SLC2A14: variants seen among roughly 807,000 people sequenced by gnomAD.
SLC2A14 encodes the protein solute carrier family 2, facilitated glucose transporter member 14.
Under a neutral mutation model 43.0 loss-of-function variants are expected in SLC2A14, and 13 were observed. The observed-to-expected ratio is 0.30, with a 90% CI of 0.20 to 0.48. SLC2A14 has a LOEUF of 0.48. Among genes scored for constraint, SLC2A14 ranks in the 20% least tolerant of loss-of-function variants. The pLI is 0.99. For missense variants in SLC2A14, 428 were observed against 620.4 expected (o/e 0.69, Z 3.29); for synonymous variants, 190 against 233.8 (o/e 0.81, Z 1.71).
intron 1 of SLC2A14, among the ~76,000 whole-genome samples, chr12:7,871,581 G>C (rs1945236572): frequency 6.6e-6 from 1 of 151,972 alleles, no homozygotes. Flanking sequence ...TGTGACCCTA[G>C]GGCCCTGGGC....
intron 2 of SLC2A14, among the ~76,000 whole-genome samples, chr12:7,847,982 C>T (rs865816547): frequency 2.0e-5 from 3 of 151,890 alleles, no homozygotes; most frequent in Non-Finnish European, 4.4e-5. Flanking sequence ...GCAACAGACA[C>T]GAGCAAACCC....
chr12:7,814,365 A>G lies in SLC2A14; in HGVS notation c.1445T>C (p.Met482Thr). The G allele has an allele frequency of 6.2e-7, 1 of 1,610,778 alleles. No homozygotes were observed. The highest frequency in any genetic ancestry group is 1.3e-5 in the African/African-American group (1 of 74,694). Reference sequence around the variant, plus strand: ...AGCAGGCTCGATGCTGTTCATCCCCATGACGCCGTCCTTCCCAGATCTATC... The same window carrying G: ...AGCAGGCTCGATGCTGTTCATCCCCGTGACGCCGTCCTTCCCAGATCTATC... ...GADRSGKDGV[M>T]GMNSIEPAKE... is the part of the protein sequence containing the mutation. Residue 482 changes from methionine (M) to threonine (T), a missense_variant, in exon 11 of 11, where the codon ATG (methionine) becomes ACG (threonine). Physicochemically the swap from Met to Thr is moderately conservative, Grantham distance 81. Transcript: ENST00000431042.
chr12:7,812,678 A>G lies in SLC2A14; in HGVS notation c.*1638T>C, dbSNP rs1592126384. On this transcript the variant is annotated 3_prime_UTR_variant, in exon 11 of 11. Coordinates refer to ENST00000431042, the MANE Select transcript of SLC2A14 (RefSeq NM_001286234.2). ...GAAGTTGACGTGAAGTTGGAAGGCC[A>G]CCTTTCCAGCTAAACCCCACTCCAT... The G allele has an allele frequency of 1.3e-5, 2 of 152,294 alleles. No homozygotes were observed. The highest frequency in any genetic ancestry group is 4.1e-4 in the South Asian group (2 of 4,830). 9.4% of individuals were successfully genotyped at this position (152,294 alleles called of 1,614,324 possible).
chr12:7,862,413 G>A (rs1009095303), intron 2 of SLC2A14, among the ~76,000 whole-genome samples: 1 of 152,114 alleles, frequency 6.6e-6, no homozygotes, highest in Non-Finnish European at 1.5e-5. Flanking sequence ...GGCCTTAGCT[G>A]CCTTCCCACG....
At chr12:7,830,993 G>A (rs750390317) in intron 4 of SLC2A14, among the ~76,000 whole-genome samples, 7 of 151,784 alleles carry the variant, frequency 4.6e-5, no homozygotes, top group Admixed American at 3.3e-4. Flanking sequence ...GCGTGGTGGC[G>A]GGCACCTGTA....
intron 10 of SLC2A14, among the ~76,000 whole-genome samples, chr12:7,817,295 AG>A (rs1178773982): frequency 6.6e-6 from 1 of 151,926 alleles, no homozygotes; most frequent in Non-Finnish European, 1.5e-5. Flanking sequence ...TTGCATTTTT[AG>A]TAGAGACAGG....
intron 10 of SLC2A14, among the ~76,000 whole-genome samples, chr12:7,814,807 A>G (rs1037830039): frequency 1.3e-5 from 2 of 151,168 alleles, no homozygotes; most frequent in East Asian, 2.0e-4. Context: ...TATTATTATT[A>G]TTATTATTTG....
At chr12:7,825,106 G>A (rs751075771) in intron 7 of SLC2A14, among the ~76,000 whole-genome samples, 21 of 152,086 alleles carry the variant, frequency 1.4e-4, no homozygotes, top group Non-Finnish European at 2.5e-4. Context: ...TTTGGGTGAT[G>A]ATTATATGTG....
Position 7,821,214 on chromosome 12 carries a change from A to G in SLC2A14, c.969+7T>C, listed in dbSNP as rs1477100066. ...TCCCCCCAAAATTATCAAACCATCCAACTTACAGAAAGTAAAGTGAAGATA... is the reference window on the plus strand; with the variant it reads ...TCCCCCCAAAATTATCAAACCATCCGACTTACAGAAAGTAAAGTGAAGATA... On this transcript the variant is annotated splice_region_variant and intron_variant, in intron 8 of 10. Transcript: ENST00000431042. The G allele has an allele frequency of 1.2e-6, 2 of 1,608,850 alleles. No individual in the cohort carries two copies. Among genetic ancestry groups the G allele is most frequent in the African/African-American group, 2.7e-5 (2 of 74,828 alleles).
At chr12:7,880,389 C>G (rs868473594) in intron 1 of SLC2A14, among the ~76,000 whole-genome samples, 2 of 151,012 alleles carry the variant, frequency 1.3e-5, no homozygotes, top group African/African-American at 4.9e-5. Context: ...GCAGGAGAAT[C>G]GCTTGAACCC....
At chr12:7,831,811 A>C in intron 3 of SLC2A14, 47 bp from the exon 4 acceptor site, 1 of 1,604,792 alleles carries the variant, frequency 6.2e-7, no homozygotes, top group South Asian at 1.1e-5. Flanking sequence ...TTGGATGAGA[A>C]CAAAAGATAC....
chr12:7,832,153 C>G (rs980656348), intron 3 of SLC2A14, among the ~76,000 whole-genome samples: 1 of 152,238 alleles, frequency 6.6e-6, no homozygotes, highest in East Asian at 1.9e-4. Flanking sequence ...CATTTCCTCC[C>G]TAGAGAATCA....
At chr12:7,870,110 C>T (rs1002771956) in intron 1 of SLC2A14, among the ~76,000 whole-genome samples, 173 bp from the exon 2 acceptor site, 2 of 152,032 alleles carry the variant, frequency 1.3e-5, no homozygotes, top group African/African-American at 4.8e-5. Context: ...TTCTGGGATC[C>T]TCAACAAAGT....
At chr12:7,883,622 GTC>G (rs1182592986) in intron 1 of SLC2A14, among the ~76,000 whole-genome samples, 22 of 122,170 alleles carry the variant, frequency 1.8e-4, no homozygotes, top group Non-Finnish European at 3.1e-4. Context: ...TTGAGACGGG[GTC>G]TCTCTCTGTC....
At chr12:7,881,228 T>C (rs917336059) in intron 1 of SLC2A14, among the ~76,000 whole-genome samples, 2 of 152,258 alleles carry the variant, frequency 1.3e-5, no homozygotes, top group South Asian at 4.1e-4. Flanking sequence ...AGCCCCTTCC[T>C]GGGCTGGCCT....
chr12:7,830,183 C>G (rs61937253), intron 4 of SLC2A14, among the ~76,000 whole-genome samples, 177 bp from the exon 5 acceptor site: 2 of 149,698 alleles, frequency 1.3e-5, no homozygotes, highest in East Asian at 3.9e-4. Flanking sequence ...GACAGAGTCT[C>G]GCTCTGTTGC....
At chr12:7,819,401 A>G (rs1863745303) in intron 9 of SLC2A14, 81 bp downstream of exon 9, 3 of 1,535,306 alleles carry the variant, frequency 2.0e-6, no homozygotes, top group Non-Finnish European at 2.6e-6. Flanking sequence ...CAACCTTAAC[A>G]ACCCACCCCT....
At position 7,856,576 on chromosome 12, in the gene SLC2A14, T is replaced by G. The variant is rs2120964289; in HGVS notation, c.18+13287A>C. 2 of 152,332 alleles carry G rather than the reference T, an allele frequency of 1.3e-5. 1 individual carries two copies. The highest frequency in any genetic ancestry group is 6.8e-3 in the Middle Eastern group (2 of 296). 9.4% of individuals were successfully genotyped at this position (152,332 alleles called of 1,614,324 possible). A position where few individuals can be genotyped will look rare whatever the true frequency, so the allele number is the denominator to read the frequency against. ...TCTAACCCATGTTAAACTTTTACTG[T>G]GGTGCAAGATGCACAATTTAAGAGT... On this transcript the variant is annotated intron_variant, in intron 2 of 10. Transcript: ENST00000431042.
chr12:7,832,266 G>A (rs759042941), intron 3 of SLC2A14, among the ~76,000 whole-genome samples: 1 of 152,222 alleles, frequency 6.6e-6, no homozygotes, highest in South Asian at 2.1e-4. Context: ...TATCCCAGTA[G>A]GTGGCAGCAC....
Sources: allele counts gnomAD v4.1 joint callset (sites outside exome capture counted in the v4.1 genomes callset), GRCh38; gene constraint gnomAD v4.1.1; transcripts MANE v1.5; gene names NCBI Gene and HGNC (gene_info 2026-07-23, HGNC 2026-07-21).